The following DIP2B variants were observed in gnomAD, a reference collection of about 807,000 sequenced individuals.
DIP2B encodes the protein disco-interacting protein 2 homolog B.
Under a neutral mutation model 198.0 loss-of-function variants are expected in DIP2B, and 76 were observed. The ratio of observed to expected loss-of-function variants is 0.38; its 90% CI spans 0.32 to 0.46. The LOEUF is 0.46. DIP2B is among the 20% of genes least tolerant of loss of function. DIP2B has a pLI of 0.99. For synonymous variants in DIP2B, 701 were observed against 739.1 expected (o/e 0.95, Z 0.84); for missense variants, 1,559 against 1,978.4 (o/e 0.79, Z 4.02).
At chr12:50,564,233 A>G (rs1958544568) in intron 1 of DIP2B, among the ~76,000 whole-genome samples, 2 of 151,976 alleles carry the variant, frequency 1.3e-5, no homozygotes, top group African/African-American at 4.8e-5. Flanking sequence ...TTCTAATCTA[A>G]CCACCATCTG....
intron 1 of DIP2B, among the ~76,000 whole-genome samples, chr12:50,527,749 A>G (rs1958179937): frequency 6.6e-6 from 1 of 152,248 alleles, no homozygotes; most frequent in African/African-American, 2.4e-5. Context: ...ATTGGAAGAA[A>G]CATGATTAAA....
At chr12:50,680,564 A>C in intron 8 of DIP2B, 108 bp from the exon 9 acceptor site, 1 of 943,904 alleles carries the variant, frequency 1.1e-6, no homozygotes, top group Non-Finnish European at 1.6e-6. Flanking sequence ...CATCATTTGG[A>C]AGTGGCCATT....
rs140033932 is a variant in DIP2B at position 50,671,928 on chromosome 12, A to G, written c.640+530A>G. On this transcript the variant is annotated intron_variant, in intron 5 of 37. Coordinates refer to ENST00000301180, the MANE Select transcript of DIP2B (RefSeq NM_173602.3). ...TGGTACTCTGAGCTGCTATCGATAC[A>G]CTGCAGATGCTACTATACAGAGTGT... 2.4e-3 allele frequency among the ~76,000 whole-genome samples: 362 copies of G among 152,290 alleles called. 1 individual carries two copies. The highest frequency in any genetic ancestry group is 8.1e-3 in the African/African-American group (336 of 41,570).
chr12:50,535,743 A>G (rs1173841996), intron 1 of DIP2B, among the ~76,000 whole-genome samples: 1 of 151,552 alleles, frequency 6.6e-6, no homozygotes, highest in African/African-American at 2.4e-5. Flanking sequence ...ACATGTGCAC[A>G]ATGTGCAGGT....
At chr12:50,725,426 T>C (rs560511329) in intron 28 of DIP2B, among the ~76,000 whole-genome samples, 4 of 152,300 alleles carry the variant, frequency 2.6e-5, no homozygotes, top group African/African-American at 9.6e-5. Context: ...AAGTGCAGAA[T>C]TTTTAGATAG....
At chr12:50,687,107 A>G (rs1394810847) in intron 12 of DIP2B, among the ~76,000 whole-genome samples, 2 of 152,208 alleles carry the variant, frequency 1.3e-5, no homozygotes, top group Non-Finnish European at 2.9e-5. Context: ...AATGGCTGGA[A>G]GGTTTGATAT....
At chr12:50,579,333 T>C (rs898827432) in intron 1 of DIP2B, among the ~76,000 whole-genome samples, 2 of 151,596 alleles carry the variant, frequency 1.3e-5, no homozygotes, top group Admixed American at 6.6e-5. Flanking sequence ...TGAATCTAGG[T>C]CAGGCACAAT....
At position 50,699,068 on chromosome 12, in the gene DIP2B, A is replaced by G; in HGVS notation, c.2191A>G (p.Met731Val). The change falls in exon 19 of 38, where the codon ATG (methionine) becomes GTG (valine). Residue 731 changes from methionine (M) to valine (V), a missense_variant and splice_region_variant. Coordinates refer to ENST00000301180, the MANE Select transcript of DIP2B (RefSeq NM_173602.3). ...QDVGHVMPGG[M>V]MCIVKPDGPP... The stretch of plus-strand genomic sequence containing the variant: ...AACCTGTATTTTCTGTACGTTAGGG[A>G]TGATGTGCATTGTGAAACCAGATGG... 1.2e-6 allele frequency: 2 copies of G among 1,614,082 alleles called. No homozygotes were observed. Among genetic ancestry groups the G allele is most frequent in the Non-Finnish European group, 1.7e-6 (2 of 1,179,998 alleles).
At chr12:50,579,904 A>G (rs1281854678) in intron 1 of DIP2B, among the ~76,000 whole-genome samples, 1 of 151,452 alleles carries the variant, frequency 6.6e-6, no homozygotes, top group Non-Finnish European at 1.5e-5. Context: ...CTGATCTGGT[A>G]TGGATACAAT....
At chr12:50,648,916 G>C (rs1044072036) in intron 3 of DIP2B, among the ~76,000 whole-genome samples, 5 of 152,072 alleles carry the variant, frequency 3.3e-5, no homozygotes, top group Non-Finnish European at 7.4e-5. Flanking sequence ...AATTTAGTCA[G>C]CAAGATATAA....
intron 2 of DIP2B, among the ~76,000 whole-genome samples, chr12:50,636,621 A>G (rs892025297): frequency 2.6e-5 from 4 of 152,276 alleles, no homozygotes; most frequent in African/African-American, 9.6e-5. Context: ...TTTGCTTTCC[A>G]TCATCTCACA....
At chr12:50,606,734 A>G (rs538500912) in intron 1 of DIP2B, among the ~76,000 whole-genome samples, 2 of 151,650 alleles carry the variant, frequency 1.3e-5, no homozygotes, top group Non-Finnish European at 2.9e-5. Flanking sequence ...GCGTTCAAGC[A>G]ATCGTCCCAC....
intron 1 of DIP2B, among the ~76,000 whole-genome samples, chr12:50,511,291 A>ATTTCTTTTTTTTTT (rs1958013727): frequency 1.5e-5 from 1 of 64,664 alleles, no homozygotes; most frequent in African/African-American, 6.0e-5. Context: ...TGTGATTTCT[A>ATTTCTTTTTTTTTT]TTTTTTTTTT....
intron 13 of DIP2B, among the ~76,000 whole-genome samples, chr12:50,692,013 C>T (rs1022604925): frequency 1.3e-5 from 2 of 151,698 alleles, no homozygotes; most frequent in South Asian, 2.1e-4. Context: ...TGCAGTGAGC[C>T]GAGATCATGC....
chr12:50,544,764 C>T (rs1958361106), intron 1 of DIP2B, among the ~76,000 whole-genome samples: 2 of 151,912 alleles, frequency 1.3e-5, no homozygotes, highest in South Asian at 2.1e-4. Flanking sequence ...ACTACAGGTG[C>T]GTGCCACCAC....
intron 20 of DIP2B, among the ~76,000 whole-genome samples, chr12:50,705,357 T>A (rs1939495710): frequency 6.6e-6 from 1 of 152,214 alleles, no homozygotes; most frequent in Non-Finnish European, 1.5e-5. Context: ...ACTTTTTCAC[T>A]TAGCACCAGG....
chr12:50,727,867 GC>G, intron 29 of DIP2B, 55 bp downstream of exon 29: 1 of 1,486,056 alleles, frequency 6.7e-7, no homozygotes. Flanking sequence ...GATGACCACT[GC>G]CCCAGAAACT....
chr12:50,722,218 A>T (rs544528448), intron 26 of DIP2B, among the ~76,000 whole-genome samples: 57 of 150,104 alleles, frequency 3.8e-4, no homozygotes, highest in African/African-American at 1.3e-3. Context: ...CCCACACTTC[A>T]TATTGTTCTG....
chr12:50,716,958 C>CTGTTTTTTTTTTTTTTTTTTTTTTTTTT (rs1939731747), intron 23 of DIP2B, among the ~76,000 whole-genome samples: 1 of 58,924 alleles, frequency 1.7e-5, no homozygotes, highest in Non-Finnish European at 3.0e-5. Flanking sequence ...CGAATTGTTG[C>CTGTTTTTTTTTTTTTTTTTTTTTTTTTT]TTTTTTTTTT....
Sources: gnomAD v4.1 joint callset for allele counts (sites outside exome capture counted in the v4.1 genomes callset) on GRCh38, gnomAD v4.1.1 for gene constraint, MANE v1.5 for transcripts, NCBI Gene and HGNC (gene_info 2026-07-23, HGNC 2026-07-21) for gene names.